BANP: variants seen among roughly 807,000 people sequenced by gnomAD.
BANP encodes the protein protein BANP.
A neutral mutation model predicts 68.1 loss-of-function variants in BANP; 11 were observed. That is an observed-to-expected ratio of 0.16 (90% CI 0.10 to 0.27). The LOEUF is 0.27. BANP is among the 10% of genes least tolerant of loss of function. The pLI, the probability that BANP is intolerant of heterozygous loss-of-function variation, is 1.00. For synonymous variants in BANP, 329 were observed against 303.2 expected, an observed-to-expected ratio of 1.09 and a Z score of -0.88; for missense variants, 504 against 722.7, an observed-to-expected ratio of 0.70 and a Z score of 3.47.
intron 3 of BANP, among the ~76,000 whole-genome samples, chr16:87,982,914 G>A (rs115443351): frequency 0.012 from 1,768 of 152,342 alleles, 34 homozygotes; most frequent in African/African-American, 0.04. Context: ...CAGTGTTGTA[G>A]GTCAGCTGCA....
At chr16:87,986,236 G>A (rs890261868) in intron 4 of BANP, among the ~76,000 whole-genome samples, 1 of 152,240 alleles carries the variant, frequency 6.6e-6, no homozygotes, top group Non-Finnish European at 1.5e-5. Context: ...GGAGCCTTGC[G>A]TGCTGGCGGA....
chr16:88,051,547 T>TGTTCCCACGTA (rs767305265), intron 11 of BANP, among the ~76,000 whole-genome samples: 45 of 152,202 alleles, frequency 3.0e-4, no homozygotes, highest in Non-Finnish European at 6.2e-4. Flanking sequence ...GAGCGCGATG[T>TGTTCCCACGTA]GTTCCCACGT....
chr16:88,009,769 A>G (rs2072480436), intron 6 of BANP, among the ~76,000 whole-genome samples: 1 of 152,166 alleles, frequency 6.6e-6, no homozygotes, highest in South Asian at 2.1e-4. Context: ...TAGAATAAGA[A>G]GGACGCTAAC....
chr16:88,067,451 C>CG (rs2089002757), intron 12 of BANP, among the ~76,000 whole-genome samples: 1 of 152,156 alleles, frequency 6.6e-6, no homozygotes, highest in Non-Finnish European at 1.5e-5. Flanking sequence ...TGCGTGCCCC[C>CG]GCCCTGAGAC....
chr16:87,975,494 C>T (rs548107630), intron 2 of BANP, among the ~76,000 whole-genome samples: 26 of 152,294 alleles, frequency 1.7e-4, no homozygotes, highest in Admixed American at 2.0e-4. Context: ...TGTGCGGCGT[C>T]GTGGATCTTT....
intron 5 of BANP, among the ~76,000 whole-genome samples, chr16:88,005,525 T>G (rs1303423764): frequency 6.6e-6 from 1 of 152,220 alleles, no homozygotes; most frequent in Non-Finnish European, 1.5e-5. Context: ...CGCCCTGCTT[T>G]GCTAGCAGTG....
chr16:87,975,511 T>C lies in BANP; in HGVS notation c.70+326T>C, dbSNP rs117303605. 7.4e-4 allele frequency among the ~76,000 whole-genome samples: 113 copies of C among 152,290 alleles called. No homozygotes were observed. The East Asian group carries it at 0.02, about 27-fold the overall frequency. ...TGCGGCGTCGTGGATCTTTACCATGTTGTATGTGTAATCCCCTGTGTGCGG... is the reference window on the plus strand; with the variant it reads ...TGCGGCGTCGTGGATCTTTACCATGCTGTATGTGTAATCCCCTGTGTGCGG... On this transcript the variant is annotated intron_variant, in intron 2 of 13. Transcript: ENST00000682872.
In BANP at chr16:87,988,501, A is replaced by G. The variant is rs186163566; in HGVS notation, c.362+4242A>G. ...AGTCTGATCTCAAACTCCTGACCTCATGATCCACCCGCCTCGGCCTCCCAA... is the reference window on the plus strand; with the variant it reads ...AGTCTGATCTCAAACTCCTGACCTCGTGATCCACCCGCCTCGGCCTCCCAA... On this transcript the variant is annotated intron_variant, in intron 4 of 13. Transcript: ENST00000682872. Among the ~76,000 whole-genome samples the G allele has an allele frequency of 2.7e-3, 413 of 151,870 alleles. 1 individual carries two copies. The highest frequency in any genetic ancestry group is 4.7e-3 in the Non-Finnish European group (321 of 67,952).
chr16:88,001,936 A>T (rs13380708), intron 4 of BANP, among the ~76,000 whole-genome samples: 2 of 151,774 alleles, frequency 1.3e-5, no homozygotes, highest in Non-Finnish European at 2.9e-5. Flanking sequence ...AAAAACAAAA[A>T]AAAAAAAACC....
At chr16:88,055,403 A>G (rs11865619) in intron 11 of BANP, among the ~76,000 whole-genome samples, 14,348 of 152,220 alleles carry the variant, frequency 0.094, 1,546 homozygotes, top group African/African-American at 0.26. Context: ...CACCTGTGCA[A>G]TGACTTGACC....
chr16:88,067,463 G>T (rs1366467862), intron 12 of BANP, among the ~76,000 whole-genome samples: 1 of 152,162 alleles, frequency 6.6e-6, no homozygotes, highest in Non-Finnish European at 1.5e-5. Flanking sequence ...CCCTGAGACG[G>T]GACCCAGGGG....
chr16:88,071,096 C>T lies in BANP; in HGVS notation c.1378-973C>T, dbSNP rs1171075364. 2 of 268,048 alleles carry T rather than the reference C, an allele frequency of 7.5e-6. No individual in the cohort carries two copies. The highest frequency in any genetic ancestry group is 2.2e-4 in the East Asian group (2 of 9,110). The allele number at this position is 268,048 out of a possible 1,614,324, so 16.6% of individuals were successfully genotyped here. On this transcript the variant is annotated intron_variant, in intron 12 of 13. Coordinates refer to ENST00000682872, the MANE Select transcript of BANP (RefSeq NM_001386991.1). This position sits in a 1 kb window ranked among gnomAD's most constrained non-coding sequence, Gnocchi z 6.5. ...CAGGGCAGGTCCCACGGAGGGGATG[C>T]TGCGGCCAGGCTCCGTGGGGTGGGG...
chr16:87,997,410 G>A (rs977258711), intron 4 of BANP, among the ~76,000 whole-genome samples: 1 of 152,280 alleles, frequency 6.6e-6, no homozygotes, highest in Non-Finnish European at 1.5e-5. Context: ...TTGAACACAG[G>A]TTCTGTCACC....
intron 6 of BANP, among the ~76,000 whole-genome samples, chr16:88,012,967 TA>T (rs1174555003): frequency 1.7e-4 from 26 of 152,292 alleles, no homozygotes; most frequent in Admixed American, 1.4e-3. Flanking sequence ...TCTGAATATA[TA>T]AAAAGTTGAG....
chr16:87,950,134 C>G (rs2056673957), upstream of BANP, among the ~76,000 whole-genome samples: 1 of 152,234 alleles, frequency 6.6e-6, no homozygotes, highest in African/African-American at 2.4e-5. Flanking sequence ...GCCTCGGCCT[C>G]CCAAAGTGCT....
chr16:87,951,298 G>A (rs2056790832), upstream of BANP: 1 of 152,140 alleles, frequency 6.6e-6, no homozygotes, highest in Admixed American at 6.5e-5. Context: ...ATGCTCACCA[G>A]GAGGCCGAGC....
chr16:88,065,670 C>T (rs2088340084), intron 12 of BANP, among the ~76,000 whole-genome samples: 1 of 152,150 alleles, frequency 6.6e-6, no homozygotes, highest in Non-Finnish European at 1.5e-5. Context: ...ACTGATGGCA[C>T]AAGTGGTGAT....
chr16:88,048,942 T>C (rs1000596817), intron 11 of BANP, among the ~76,000 whole-genome samples: 1 of 152,188 alleles, frequency 6.6e-6, no homozygotes, highest in Non-Finnish European at 1.5e-5. Context: ...TCTTTGAGAC[T>C]GCACGGTGCA....
At chr16:88,032,251 GAGTGT>G (rs549459083) in intron 8 of BANP, among the ~76,000 whole-genome samples, 168 of 151,462 alleles carry the variant, frequency 1.1e-3, no homozygotes, top group African/African-American at 3.9e-3. Context: ...GCCCAGGCTG[GAGTGT>G]AGTGGTGCCA....
Sources: gnomAD v4.1 joint callset for allele counts (sites outside exome capture counted in the v4.1 genomes callset) on GRCh38, gnomAD v4.1.1 for gene constraint, Gnocchi (gnomAD v3.1) non-coding constraint, MANE v1.5 for transcripts, NCBI Gene and HGNC (gene_info 2026-07-23, HGNC 2026-07-21) for gene names.